Variants in ZHX2 observed in about 807,000 individuals in gnomAD.
The protein encoded by ZHX2 is zinc fingers and homeoboxes 2.
Under a neutral mutation model 21.9 loss-of-function variants are expected in ZHX2, and 6 were observed. That is an observed-to-expected ratio of 0.27 (90% confidence interval 0.15 to 0.54). The LOEUF is 0.54. Ranked by LOEUF, ZHX2 falls within the 20% of genes least tolerant of loss-of-function variation. The pLI, the probability that ZHX2 is intolerant of heterozygous loss-of-function variation, is 0.95. For missense variants in ZHX2, 908 were observed against 1,090.7 expected, an observed-to-expected ratio of 0.83 and a Z score of 2.36; for synonymous variants, 434 against 437.1, an observed-to-expected ratio of 0.99 and a Z score of 0.09.
chr8:122,887,421 G>A (rs1400450905), intron 2 of ZHX2, among the ~76,000 whole-genome samples: 1 of 152,046 alleles, frequency 6.6e-6, no homozygotes, highest in Non-Finnish European at 1.5e-5. Flanking sequence ...GGGAGGCTGA[G>A]GCAAGAGAAT....
chr8:122,934,074 G>A (rs558179551), intron 2 of ZHX2, among the ~76,000 whole-genome samples: 7 of 152,256 alleles, frequency 4.6e-5, no homozygotes, highest in South Asian at 2.1e-4. Flanking sequence ...TTTATTGCAC[G>A]TTTGCAGGTA....
At chr8:122,902,152 G>A (rs777000717) in intron 2 of ZHX2, among the ~76,000 whole-genome samples, 27 of 152,204 alleles carry the variant, frequency 1.8e-4, no homozygotes, top group Non-Finnish European at 2.1e-4. Flanking sequence ...CAGATCAGGT[G>A]GCTAATGGGT....
chr8:122,827,229 G>C (rs913350031), intron 1 of ZHX2, among the ~76,000 whole-genome samples: 12 of 152,006 alleles, frequency 7.9e-5, no homozygotes, highest in Non-Finnish European at 1.6e-4. Context: ...GTAGAAACAG[G>C]GTTTCGCCAT....
At chr8:122,835,201 G>A (rs988057282) in intron 1 of ZHX2, among the ~76,000 whole-genome samples, 1 of 152,224 alleles carries the variant, frequency 6.6e-6, no homozygotes, top group African/African-American at 2.4e-5. Context: ...TGAGGCAGAA[G>A]GAAACATGAA....
At chr8:122,881,160 C>T (rs1310205447) in intron 2 of ZHX2, among the ~76,000 whole-genome samples, 4 of 152,194 alleles carry the variant, frequency 2.6e-5, no homozygotes, top group South Asian at 2.1e-4. Context: ...CGGGAGCACT[C>T]GGGCCCTCCT....
intron 2 of ZHX2, among the ~76,000 whole-genome samples, chr8:122,949,907 A>G (rs928100932): frequency 6.6e-6 from 1 of 152,176 alleles, no homozygotes; most frequent in African/African-American, 2.4e-5. Context: ...GAAACAAACA[A>G]AAATCCAAAA....
intron 3 of ZHX2, among the ~76,000 whole-genome samples, chr8:122,961,359 C>T (rs1016701769): frequency 1.3e-5 from 2 of 152,176 alleles, no homozygotes; most frequent in African/African-American, 2.4e-5. Flanking sequence ...TTAGAGATTA[C>T]GGCTTCAACA....
rs565561893 is a variant in ZHX2, at chr8:122,953,327, C to G, written c.1817C>G (p.Ala606Gly). 1 of 1,613,914 alleles carries G rather than the reference C, an allele frequency of 6.2e-7. No individual in the cohort carries two copies. The highest frequency in any genetic ancestry group is 2.2e-5 in the East Asian group (1 of 44,844). ...GSGKKGQDVG[A>G]PNGALSRLDQ... The stretch of plus-strand genomic sequence containing the variant: ...GGCAAAAAAGGCCAAGATGTGGGAG[C>G]CCCCAATGGTGCTCTGTCTCGACTC... Residue 606 changes from alanine (A) to glycine (G), a missense_variant, in exon 3 of 4, where the codon GCC (alanine) becomes GGC (glycine). This residue lies in a region of ZHX2 where 431 missense variants were observed against 428.6 expected (regional missense o/e 1.01). Coordinates refer to ENST00000314393, the MANE Select transcript of ZHX2 (RefSeq NM_014943.5). This position sits in a 1 kb window ranked among gnomAD's most constrained non-coding sequence, Gnocchi z 4.6.
chr8:122,802,351 C>G (rs1817736697), intron 1 of ZHX2, among the ~76,000 whole-genome samples: 1 of 152,258 alleles, frequency 6.6e-6, no homozygotes, highest in Non-Finnish European at 1.5e-5. Context: ...GCGTGAGCCA[C>G]CATGCCCGGC....
intron 2 of ZHX2, among the ~76,000 whole-genome samples, chr8:122,888,080 C>T (rs1819887026): frequency 1.3e-5 from 2 of 152,154 alleles, no homozygotes; most frequent in South Asian, 4.1e-4. Context: ...ACCCCTTCTC[C>T]AGGGGTATTC....
chr8:122,920,047 G>T (rs1820700800), intron 2 of ZHX2, among the ~76,000 whole-genome samples: 1 of 152,196 alleles, frequency 6.6e-6, no homozygotes, highest in Admixed American at 6.5e-5. Context: ...GCTGAGGCAG[G>T]CGGGTCATCT....
chr8:122,858,094 C>T (rs772798043), intron 1 of ZHX2, among the ~76,000 whole-genome samples: 1 of 152,188 alleles, frequency 6.6e-6, no homozygotes, highest in Non-Finnish European at 1.5e-5. Context: ...GCTCGGGCCC[C>T]ACGGAAGCCG....
chr8:122,857,878 GGAA>G (rs1366436509), intron 1 of ZHX2, among the ~76,000 whole-genome samples: 1 of 152,226 alleles, frequency 6.6e-6, no homozygotes, highest in Non-Finnish European at 1.5e-5. Flanking sequence ...AGGGCCTCCT[GGAA>G]CAGAGCCATG....
intron 2 of ZHX2, among the ~76,000 whole-genome samples, chr8:122,913,333 A>C (rs1820524905): frequency 1.3e-5 from 2 of 152,176 alleles, no homozygotes; most frequent in Non-Finnish European, 2.9e-5. Flanking sequence ...ATGAACACTT[A>C]TGTACAGGTT....
At chr8:122,821,280 C>T (rs1413928337) in intron 1 of ZHX2, among the ~76,000 whole-genome samples, 1 of 152,154 alleles carries the variant, frequency 6.6e-6, no homozygotes, top group Non-Finnish European at 1.5e-5. Context: ...TAGAGTTCTG[C>T]TGGGCGCTGG....
chr8:122,961,060 GA>G (rs1813429977), intron 3 of ZHX2, among the ~76,000 whole-genome samples: 1 of 152,222 alleles, frequency 6.6e-6, no homozygotes, highest in African/African-American at 2.4e-5. Flanking sequence ...TGCCAGAACA[GA>G]ATGTCACAGG....
chr8:122,894,294 G>A (rs1286117780), intron 2 of ZHX2, among the ~76,000 whole-genome samples: 2 of 152,218 alleles, frequency 1.3e-5, no homozygotes, highest in African/African-American at 4.8e-5. Context: ...GTACCACCCA[G>A]TTTCCCAAGG....
chr8:122,968,222 A>G (rs1245193232), intron 3 of ZHX2, among the ~76,000 whole-genome samples: 1 of 152,168 alleles, frequency 6.6e-6, no homozygotes, highest in Non-Finnish European at 1.5e-5. Context: ...CTGATAGGCC[A>G]GGAGCAGGAA....
At chr8:122,967,308 C>G (rs750404030) in intron 3 of ZHX2, among the ~76,000 whole-genome samples, 6 of 152,198 alleles carry the variant, frequency 3.9e-5, no homozygotes, top group Admixed American at 1.3e-4. Context: ...AACTCAAGGG[C>G]TGCTGTTCAG....
Sources: allele counts gnomAD v4.1 joint callset (sites outside exome capture counted in the v4.1 genomes callset), GRCh38; gene constraint gnomAD v4.1.1; regional missense constraint gnomAD v4.1.1; non-coding constraint Gnocchi (gnomAD v3.1); transcripts MANE v1.5; gene names NCBI Gene and HGNC (gene_info 2026-07-23, HGNC 2026-07-21).